Variants in LAPTM4B observed in about 807,000 individuals in gnomAD.
LAPTM4B encodes the protein lysosomal-associated transmembrane protein 4B.
LAPTM4B carries 26 observed loss-of-function variants against 28.5 expected under a neutral mutation model. The observed-to-expected ratio is 0.91, with a 90% CI of 0.67 to 1.27. LAPTM4B has a LOEUF of 1.27. Among genes scored for constraint, LAPTM4B ranks in the 50% most tolerant of loss-of-function variants. The pLI is 0.00. For synonymous variants in LAPTM4B, 109 were observed against 106.4 expected (o/e 1.02, Z -0.15); for missense variants, 288 against 285.8 (o/e 1.01, Z -0.06).
chr8:97,808,176 A>C (rs1414853439), intron 2 of LAPTM4B, among the ~76,000 whole-genome samples: 1 of 151,256 alleles, frequency 6.6e-6, no homozygotes, highest in East Asian at 2.0e-4. Flanking sequence ...GGCTGGGCTC[A>C]GTGGCTCATG....
chr8:97,849,506 G>A (rs1367296601), intron 6 of LAPTM4B, among the ~76,000 whole-genome samples: 1 of 152,170 alleles, frequency 6.6e-6, no homozygotes, highest in East Asian at 1.9e-4. Context: ...CGTGGGCAAC[G>A]CTGAACATTT....
chr8:97,818,950 T>C (rs1201577832), intron 4 of LAPTM4B, among the ~76,000 whole-genome samples, 190 bp from the exon 5 acceptor site: 2 of 152,082 alleles, frequency 1.3e-5, no homozygotes, highest in African/African-American at 4.8e-5. Flanking sequence ...AAAATGTCCC[T>C]GGATACCGAT....
chr8:97,850,218 T>G (rs1817501610), intron 6 of LAPTM4B, among the ~76,000 whole-genome samples: 1 of 151,996 alleles, frequency 6.6e-6, no homozygotes, highest in South Asian at 2.1e-4. Context: ...CACATCACTG[T>G]GTGGCTTCTG....
intron 4 of LAPTM4B, among the ~76,000 whole-genome samples, chr8:97,817,084 G>T (rs566447109): frequency 6.6e-6 from 1 of 152,324 alleles, no homozygotes; most frequent in East Asian, 1.9e-4. Flanking sequence ...GACCATATGA[G>T]TGAATATTGG....
In LAPTM4B at chr8:97,802,817, A is replaced by T. The variant is rs554289541; in HGVS notation, c.100-2536A>T. On this transcript the variant is annotated intron_variant, in intron 1 of 6. Transcript: ENST00000521545. ...GTTTAAATTAGTTATATGTATATGT[A>T]TACTCTGGGAAGTGGCTCTTCTCAT... Among the ~76,000 whole-genome samples the T allele has an allele frequency of 1.5e-4, 23 of 152,296 alleles. No homozygotes were observed. In the East Asian group the frequency reaches 4.2e-3, roughly 28 times the overall value.
chr8:97,783,019 C>T (rs1233910735), intron 1 of LAPTM4B, among the ~76,000 whole-genome samples: 1 of 148,882 alleles, frequency 6.7e-6, no homozygotes, highest in Non-Finnish European at 1.5e-5. Context: ...GTGATCTGCC[C>T]GCCTTGGCCT....
chr8:97,850,557 C>T (rs979785263), intron 6 of LAPTM4B, among the ~76,000 whole-genome samples: 1 of 149,418 alleles, frequency 6.7e-6, no homozygotes, highest in African/African-American at 2.5e-5. Context: ...GCTAAAGGGA[C>T]AGATAAATGA....
chr8:97,839,329 G>C (rs1482048199), intron 6 of LAPTM4B, among the ~76,000 whole-genome samples: 1 of 152,098 alleles, frequency 6.6e-6, no homozygotes, highest in East Asian at 1.9e-4. Context: ...GAGTAGCTGG[G>C]ATTACAGGCA....
chr8:97,786,631 G>A (rs1260504656), intron 1 of LAPTM4B, among the ~76,000 whole-genome samples: 7 of 151,706 alleles, frequency 4.6e-5, no homozygotes, highest in African/African-American at 7.3e-5. Flanking sequence ...CCTGGGAGGC[G>A]GAGGTTGTGG....
chr8:97,794,277 G>T (rs1365827469), intron 1 of LAPTM4B, among the ~76,000 whole-genome samples: 1 of 152,042 alleles, frequency 6.6e-6, no homozygotes, highest in Non-Finnish European at 1.5e-5. Context: ...ACTGCACCCG[G>T]CCCAAACCTA....
At chr8:97,846,421 G>A (rs1040742943) in intron 6 of LAPTM4B, among the ~76,000 whole-genome samples, 2 of 150,402 alleles carry the variant, frequency 1.3e-5, no homozygotes, top group South Asian at 2.1e-4. Context: ...ACCGCCTCCC[G>A]GGTTCAAGCA....
chr8:97,791,269 G>GC (rs1323081790), intron 1 of LAPTM4B, among the ~76,000 whole-genome samples: 1 of 152,080 alleles, frequency 6.6e-6, no homozygotes, highest in Non-Finnish European at 1.5e-5. Context: ...TCTGGGCTGG[G>GC]CCTCTCTCTT....
chr8:97,844,342 C>T (rs1469288898), intron 6 of LAPTM4B, among the ~76,000 whole-genome samples: 3 of 152,150 alleles, frequency 2.0e-5, no homozygotes, highest in African/African-American at 7.2e-5. Flanking sequence ...AACGATCTGC[C>T]TGCCTTGGCC....
Position 97,815,407 on chromosome 8 carries a change from C to T in LAPTM4B, c.285+6C>T. 6.2e-7 allele frequency: 1 copy of T among 1,606,628 alleles called. No individual in the cohort carries two copies. The highest frequency in any genetic ancestry group is 8.5e-7 in the Non-Finnish European group (1 of 1,173,154). ...CTACTTACGGAGCGTACAAGGTAAG[C>T]CGCTTGCAGTAAGATGCTGGCCTTT... is the stretch of plus-strand genomic sequence containing the variant. On this transcript the variant is annotated splice_donor_region_variant and intron_variant, in intron 3 of 6. Transcript: ENST00000521545.
At chr8:97,784,337 T>C (rs1816369919) in intron 1 of LAPTM4B, among the ~76,000 whole-genome samples, 1 of 152,226 alleles carries the variant, frequency 6.6e-6, no homozygotes, top group Non-Finnish European at 1.5e-5. Flanking sequence ...GACTAAATAG[T>C]AGGCTAAAGA....
chr8:97,829,619 G>T (rs1368983197), intron 6 of LAPTM4B, among the ~76,000 whole-genome samples: 1 of 152,124 alleles, frequency 6.6e-6, no homozygotes, highest in African/African-American at 2.4e-5. Flanking sequence ...GACCTCGTAG[G>T]TAGGTAGGGA....
At chr8:97,835,841 CA>C (rs1305024022) in intron 6 of LAPTM4B, among the ~76,000 whole-genome samples, 3 of 152,024 alleles carry the variant, frequency 2.0e-5, no homozygotes, top group Admixed American at 2.0e-4. Flanking sequence ...TCCTGTAGAT[CA>C]GGGGTCCCCA....
intron 4 of LAPTM4B, 96 bp from the exon 5 acceptor site, chr8:97,819,044 C>T: frequency 1.3e-6 from 1 of 749,148 alleles, no homozygotes; most frequent in East Asian, 2.5e-5. Context: ...CTGCTTTAAT[C>T]AGTTGCTTTC....
intron 1 of LAPTM4B, among the ~76,000 whole-genome samples, chr8:97,799,893 C>T (rs1158577706): frequency 6.6e-6 from 1 of 152,178 alleles, no homozygotes; most frequent in Admixed American, 6.6e-5. Context: ...ATGTCCTTGT[C>T]TCAGTGGCAT....
Sources: gnomAD v4.1 joint callset for allele counts (sites outside exome capture counted in the v4.1 genomes callset) on GRCh38, gnomAD v4.1.1 for gene constraint, MANE v1.5 for transcripts, NCBI Gene and HGNC (gene_info 2026-07-23, HGNC 2026-07-21) for gene names.